UGT1A8: variants seen among roughly 807,000 people sequenced by gnomAD.
UGT1A8 encodes UDP glucuronosyltransferase family 1 member A8, also known as UDP-glucuronosyltransferase 1A8.
UGT1A8 carries 39 observed loss-of-function variants against 45.3 expected under a neutral mutation model. The observed-to-expected ratio is 0.86, with a 90% CI of 0.67 to 1.12. UGT1A8 has a LOEUF of 1.12. Ranked by LOEUF, UGT1A8 falls within the 50% of genes most tolerant of loss-of-function variation. UGT1A8 has a pLI of 0.00. For synonymous variants in UGT1A8, 275 were observed against 249.2 expected (o/e 1.10, Z -0.97); for missense variants, 719 against 664.9 (o/e 1.08, Z -0.90).
rs904899091 is a variant in UGT1A8, at chr2:233,718,702, T to A, written c.856-48332T>A. ...TAAGTAACTGGAGGAGGGCACTTTG[T>A]CTTCCAATTACATGCTGATTTGCTA... is the stretch of plus-strand genomic sequence containing the variant. On this transcript the variant is annotated intron_variant, in intron 1 of 4. Coordinates refer to ENST00000373450, the MANE Select transcript of UGT1A8 (RefSeq NM_019076.5). The A allele has an allele frequency of 5.0e-6, 8 of 1,600,742 alleles. No homozygotes were observed. In the East Asian group the frequency reaches 1.8e-4, roughly 36 times the overall value.
chr2:233,688,438 C>T (rs1367790145), intron 1 of UGT1A8, among the ~76,000 whole-genome samples: 1 of 152,212 alleles, frequency 6.6e-6, no homozygotes, highest in African/African-American at 2.4e-5. Flanking sequence ...TACCTGACTG[C>T]CTCCCTGTGT....
chr2:233,633,318 G>T (rs540835368), intron 1 of UGT1A8, among the ~76,000 whole-genome samples: 1 of 152,228 alleles, frequency 6.6e-6, no homozygotes, highest in South Asian at 2.1e-4. Context: ...GATGATGCTG[G>T]CCTCATAAAA....
chr2:233,663,035 C>T (rs984611136), intron 1 of UGT1A8, among the ~76,000 whole-genome samples: 2 of 152,084 alleles, frequency 1.3e-5, no homozygotes, highest in Non-Finnish European at 2.9e-5. Context: ...GTTCAGTATC[C>T]AGTGTATTCA....
chr2:233,642,841 C>T (rs972607686), intron 1 of UGT1A8, among the ~76,000 whole-genome samples: 1 of 152,168 alleles, frequency 6.6e-6, no homozygotes, highest in Non-Finnish European at 1.5e-5. Context: ...CTCTTGCTTT[C>T]TTCCCTTACT....
At chr2:233,667,388 G>A (rs1200894144) in intron 1 of UGT1A8, among the ~76,000 whole-genome samples, 1 of 152,014 alleles carries the variant, frequency 6.6e-6, no homozygotes, top group Non-Finnish European at 1.5e-5. Context: ...AATTCAAGAT[G>A]GATTAAAGAC....
chr2:233,651,912 A>G (rs1031141521), intron 1 of UGT1A8, among the ~76,000 whole-genome samples: 26 of 152,308 alleles, frequency 1.7e-4, no homozygotes, highest in Admixed American at 1.3e-4. Context: ...ATCCAGGGGA[A>G]TTACATCCAA....
chr2:233,704,493 GT>G (rs1301421606), intron 1 of UGT1A8, among the ~76,000 whole-genome samples: 1 of 151,394 alleles, frequency 6.6e-6, no homozygotes, highest in East Asian at 1.9e-4. Context: ...TGATATTATT[GT>G]TATACGTGGT....
intron 1 of UGT1A8, among the ~76,000 whole-genome samples, chr2:233,647,164 C>G (rs2073626962): frequency 6.6e-6 from 1 of 152,314 alleles, no homozygotes; most frequent in Admixed American, 6.5e-5. Flanking sequence ...ACGGGAAACG[C>G]CCAGCCCCAT....
At chr2:233,713,179 T>C (rs3755321) in intron 1 of UGT1A8, 158,294 of 1,614,156 alleles carry the variant, frequency 0.098, 8,780 homozygotes, top group South Asian at 0.2. Flanking sequence ...GTCCTCACCC[T>C]GGAGGTGAAT....
intron 1 of UGT1A8, chr2:233,722,095 C>CCTG: frequency 9.6e-6 from 2 of 207,736 alleles, no homozygotes; most frequent in South Asian, 8.3e-5. Context: ...CACCTTAGGC[C>CCTG]TCTTAGAGGA....
At chr2:233,643,149 C>T (rs1169877506) in intron 1 of UGT1A8, among the ~76,000 whole-genome samples, 1 of 152,212 alleles carries the variant, frequency 6.6e-6, no homozygotes, top group Non-Finnish European at 1.5e-5. Flanking sequence ...TGGCAAGGTC[C>T]CCCAGGCCCT....
intron 1 of UGT1A8, chr2:233,690,668 A>G (rs2075002528): frequency 3.2e-6 from 4 of 1,269,734 alleles, no homozygotes; most frequent in South Asian, 1.3e-5. Flanking sequence ...CAACCAGGGC[A>G]GGCCTGGGTC....
At chr2:233,728,033 A>T (rs1286905135) in intron 1 of UGT1A8, among the ~76,000 whole-genome samples, 1 of 152,230 alleles carries the variant, frequency 6.6e-6, no homozygotes, top group African/African-American at 2.4e-5. Context: ...TTTCTGGAGT[A>T]GGATAAGCCT....
intron 1 of UGT1A8, among the ~76,000 whole-genome samples, chr2:233,672,971 C>T (rs1196554847): frequency 6.6e-6 from 1 of 152,152 alleles, no homozygotes; most frequent in Non-Finnish European, 1.5e-5. Flanking sequence ...AACTGCCCTT[C>T]TTGAAGATAT....
At chr2:233,772,116 AAAC>A (rs1252124628) in intron 4 of UGT1A8, 143 bp from the exon 5 acceptor site, 49 of 1,530,818 alleles carry the variant, frequency 3.2e-5, no homozygotes, top group Middle Eastern at 2.3e-4. Context: ...CTGTATCTAA[AAAC>A]AACAACAACA....
chr2:233,661,776 T>A (rs139360456), intron 1 of UGT1A8, among the ~76,000 whole-genome samples: 1 of 151,556 alleles, frequency 6.6e-6, no homozygotes, highest in East Asian at 1.9e-4. Context: ...ATCAAGCAAT[T>A]CAACTTTTCT....
intron 1 of UGT1A8, among the ~76,000 whole-genome samples, chr2:233,623,262 G>A (rs190745543): frequency 2.0e-4 from 30 of 152,292 alleles, no homozygotes; most frequent in Middle Eastern, 3.4e-3. Context: ...ATTCTGTGAA[G>A]AAAGTCAATG....
At chr2:233,691,003 G>T (rs1169331447) in intron 1 of UGT1A8, 16 of 994,078 alleles carry the variant, frequency 1.6e-5, no homozygotes, top group African/African-American at 1.7e-5. Context: ...AGGATTTTCA[G>T]AGCAAGGCTG....
intron 1 of UGT1A8, among the ~76,000 whole-genome samples, chr2:233,650,171 T>C (rs1393440393): frequency 7.2e-5 from 11 of 152,162 alleles, no homozygotes; most frequent in Admixed American, 5.9e-4. Flanking sequence ...GGTTTCTCCA[T>C]GTTGGTCAGG....
Sources: gnomAD v4.1 joint callset for allele counts (sites outside exome capture counted in the v4.1 genomes callset) on GRCh38, gnomAD v4.1.1 for gene constraint, MANE v1.5 for transcripts, NCBI Gene and HGNC (gene_info 2026-07-23, HGNC 2026-07-21) for gene names.